Variants in SLAIN1 observed in about 807,000 individuals in gnomAD.
SLAIN1 encodes SLAIN motif-containing protein 1.
Under a neutral mutation model 55.4 loss-of-function variants are expected in SLAIN1, and 17 were observed. That is an observed-to-expected ratio of 0.31 (90% confidence interval 0.21 to 0.46). SLAIN1 has a LOEUF of 0.46. SLAIN1 is among the 20% of genes least tolerant of loss of function. SLAIN1 has a pLI of 1.00. For synonymous variants in SLAIN1, 348 were observed against 337.4 expected, an observed-to-expected ratio of 1.03 and a Z score of -0.35; for missense variants, 682 against 785.1, an observed-to-expected ratio of 0.87 and a Z score of 1.57.
chr13:77,724,483 A>G (rs2091289865), intron 2 of SLAIN1, among the ~76,000 whole-genome samples: 2 of 152,162 alleles, frequency 1.3e-5, no homozygotes, highest in South Asian at 2.1e-4. Flanking sequence ...CAGTCTTCCT[A>G]TGGCTTTATA....
intron 2 of SLAIN1, among the ~76,000 whole-genome samples, chr13:77,736,589 C>G (rs896455713): frequency 2.0e-5 from 3 of 152,008 alleles, no homozygotes; most frequent in African/African-American, 7.2e-5. Flanking sequence ...AGCCAAATCT[C>G]TCTTCAAAGA....
At chr13:77,719,506 C>G in intron 1 of SLAIN1, 26 bp from the exon 2 acceptor site, 1 of 1,580,208 alleles carries the variant, frequency 6.3e-7, no homozygotes, top group African/African-American at 1.3e-5. Context: ...TATATCATAC[C>G]TATAATGTAG....
intron 5 of SLAIN1, among the ~76,000 whole-genome samples, chr13:77,757,863 G>A (rs1874716358): frequency 6.6e-6 from 1 of 152,066 alleles, no homozygotes; most frequent in South Asian, 2.1e-4. Context: ...CTATATCTAA[G>A]CCATTGCAAA....
Position 77,759,812 on chromosome 13 carries a change from C to A in SLAIN1, c.1415-1016C>A, listed in dbSNP as rs568528274. 2.6e-5 allele frequency among the ~76,000 whole-genome samples: 4 copies of A among 152,040 alleles called. No individual in the cohort carries two copies. The South Asian group carries it at 8.3e-4, about 32-fold the overall frequency. ...AACCTGCTTGATCATGATGTGTTATCTTTTTGATAGCACATGTATCAGTAT... is the reference window on the plus strand; with the variant it reads ...AACCTGCTTGATCATGATGTGTTATATTTTTGATAGCACATGTATCAGTAT... On this transcript the variant is annotated intron_variant, in intron 5 of 6. Coordinates refer to ENST00000418532, the MANE Select transcript of SLAIN1 (RefSeq NM_001242868.2).
In SLAIN1 at chr13:77,746,763, C is replaced by T. The variant is rs763028775; in HGVS notation, c.1166C>T (p.Ser389Phe). 4 of 1,613,670 alleles carry T rather than the reference C, an allele frequency of 2.5e-6. No homozygotes were observed. In the East Asian group the frequency reaches 6.7e-5, roughly 27 times the overall value. ...SIRECRRSPS[S>F]QYFPSNNYQQ... is the part of the protein sequence containing the mutation. ...CGGGAGTGTAGGAGGAGCCCCAGTT[C>T]CCAGTATTTTCCTTCAAATAATTAC... Residue 389 changes from serine (S) to phenylalanine (F), a missense_variant, in exon 4 of 7, where the codon TCC becomes TTC. Physicochemically the swap from Ser to Phe is radical, Grantham distance 155. Around this residue, in one of 3 missense-constraint regions of SLAIN1, gnomAD observed 244 missense variants for 295.2 expected, o/e 0.83. Coordinates refer to ENST00000418532, the MANE Select transcript of SLAIN1 (RefSeq NM_001242868.2).
intron 1 of SLAIN1, among the ~76,000 whole-genome samples, chr13:77,713,174 C>G (rs1379145515): frequency 2.6e-5 from 4 of 152,028 alleles, no homozygotes; most frequent in Non-Finnish European, 5.9e-5. Context: ...AGTAAAACAC[C>G]AAGAGCAATG....
chr13:77,742,131 GGGGT>G lies in SLAIN1; in HGVS notation c.767-2149_767-2146del, dbSNP rs371366568. Among the ~76,000 whole-genome samples the G allele has an allele frequency of 4.6e-5, 7 of 151,922 alleles. No individual in the cohort carries two copies. The South Asian group carries it at 6.2e-4, about 14-fold the overall frequency. On this transcript the variant is annotated intron_variant, in intron 2 of 6. Coordinates refer to ENST00000418532, the MANE Select transcript of SLAIN1 (RefSeq NM_001242868.2). Reference sequence around the variant, plus strand: ...TGACCCCAAGAACATGGAGATACAAGGGGTGGTAATTTTGGAGGGGAGAAGTACA... The same window carrying G: ...TGACCCCAAGAACATGGAGATACAAGGGTAATTTTGGAGGGGAGAAGTACA...
At position 77,753,292 on chromosome 13, in the gene SLAIN1, A is replaced by C; in HGVS notation, c.1348A>C (p.Asn450His). 6.2e-7 allele frequency: 1 copy of C among 1,613,136 alleles called. No individual in the cohort carries two copies. The highest frequency in any genetic ancestry group is 8.5e-7 in the Non-Finnish European group (1 of 1,179,556). Residue 450 changes from asparagine (N) to histidine (H), a missense_variant, in exon 5 of 7, where the codon AAT becomes CAT. By Grantham distance (68) the Asn-to-His change is moderately conservative (BLOSUM62 1). Transcript: ENST00000418532. ...SNISSPVTVR[N>H]SQSFDSSLHG... is the part of the protein sequence containing the mutation. ...CATTAGTTCTCCGGTCACCGTGCGA[A>C]ATAGTCAGAGTTTTGACTCAAGCTT...
chr13:77,724,941 T>G (rs1377949985), intron 2 of SLAIN1, among the ~76,000 whole-genome samples: 1 of 152,232 alleles, frequency 6.6e-6, no homozygotes, highest in Non-Finnish European at 1.5e-5. Flanking sequence ...TCTTTGAGAC[T>G]AGAGTTGTTT....
intron 2 of SLAIN1, among the ~76,000 whole-genome samples, chr13:77,725,648 A>G (rs1386301316): frequency 1.3e-5 from 2 of 152,172 alleles, no homozygotes; most frequent in Non-Finnish European, 2.9e-5. Flanking sequence ...ATTCCTTTGT[A>G]GGAAATGTGG....
chr13:77,761,352 T>C (rs1418282623), intron 6 of SLAIN1, among the ~76,000 whole-genome samples: 10 of 152,218 alleles, frequency 6.6e-5, no homozygotes, highest in Non-Finnish European at 2.9e-5. Flanking sequence ...CGCTCTTTGC[T>C]TTTGCTTTTA....
At chr13:77,710,497 G>A (rs1168289603) in intron 1 of SLAIN1, among the ~76,000 whole-genome samples, 1 of 151,972 alleles carries the variant, frequency 6.6e-6, no homozygotes, top group South Asian at 2.1e-4. Flanking sequence ...GACAAAGAAG[G>A]GCATCACATA....
intron 6 of SLAIN1, among the ~76,000 whole-genome samples, chr13:77,762,319 G>T (rs751543818): frequency 1.2e-4 from 19 of 152,142 alleles, no homozygotes; most frequent in Non-Finnish European, 2.6e-4. Flanking sequence ...TCTTGGAAAG[G>T]TCACTGCTAG....
chr13:77,705,644 AT>A (rs58920069), intron 1 of SLAIN1, among the ~76,000 whole-genome samples: 332 of 146,046 alleles, frequency 2.3e-3, no homozygotes, highest in Non-Finnish European at 2.5e-3. Flanking sequence ...AGAAATACAG[AT>A]TTTTTTTTTT....
At chr13:77,713,564 CTG>C (rs1001545018) in intron 1 of SLAIN1, among the ~76,000 whole-genome samples, 2 of 152,174 alleles carry the variant, frequency 1.3e-5, no homozygotes, top group Non-Finnish European at 2.9e-5. Context: ...CACTTTTACA[CTG>C]TTGGTGGGAG....
chr13:77,756,048 T>C (rs183277904), intron 5 of SLAIN1, among the ~76,000 whole-genome samples: 1 of 152,244 alleles, frequency 6.6e-6, no homozygotes, highest in East Asian at 1.9e-4. Context: ...AAAGACCTGG[T>C]TTTGGGTCTT....
At chr13:77,738,457 A>G (rs1873248772) in intron 2 of SLAIN1, among the ~76,000 whole-genome samples, 3 of 152,006 alleles carry the variant, frequency 2.0e-5, no homozygotes, top group Non-Finnish European at 4.4e-5. Flanking sequence ...TTTTAGTGAA[A>G]CAGACCTAAA....
Position 77,698,566 on chromosome 13 carries a change from G to A in SLAIN1, c.626+27G>A, listed in dbSNP as rs892665912. 1 of 1,391,768 alleles carries A rather than the reference G, an allele frequency of 7.2e-7. No homozygotes were observed. The highest frequency in any genetic ancestry group is 9.3e-7 in the Non-Finnish European group (1 of 1,079,888). 86.2% of individuals were successfully genotyped at this position (1,391,768 alleles called of 1,614,324 possible). On this transcript the variant is annotated intron_variant, in intron 1 of 6. Transcript: ENST00000418532. This position sits in a 1 kb window ranked among gnomAD's most constrained non-coding sequence, Gnocchi z 4.1. ...TACTGCCTGGCTCCGCTCCTTCCCC[G>A]AGACCCTGGCCTCGGGGGCTTCGGG...
intron 2 of SLAIN1, among the ~76,000 whole-genome samples, chr13:77,721,307 C>T (rs2091260065): frequency 6.6e-6 from 1 of 152,166 alleles, no homozygotes; most frequent in Non-Finnish European, 1.5e-5. Context: ...TTTCTGAGGC[C>T]TCCCCAGCCA....
Sources: allele counts gnomAD v4.1 joint callset (sites outside exome capture counted in the v4.1 genomes callset), GRCh38; gene constraint gnomAD v4.1.1; regional missense constraint gnomAD v4.1.1; non-coding constraint Gnocchi (gnomAD v3.1); transcripts MANE v1.5; gene names NCBI Gene and HGNC (gene_info 2026-07-23, HGNC 2026-07-21).